Variants in PPFIA2 observed in about 807,000 individuals in gnomAD.
PPFIA2 encodes the protein liprin-alpha-2.
A neutral mutation model predicts 175.5 loss-of-function variants in PPFIA2; 46 were observed. The observed-to-expected ratio is 0.26, with a 90% CI of 0.21 to 0.34. The LOEUF (loss-of-function observed/expected upper bound fraction) is 0.34. PPFIA2 is among the 10% of genes least tolerant of loss of function. The pLI is 1.00. For missense variants in PPFIA2, 1,179 were observed against 1,506.1 expected (o/e 0.78, Z 3.60); for synonymous variants, 568 against 511.4 (o/e 1.11, Z -1.49).
At chr12:81,429,088 T>C (rs1397637762) in intron 7 of PPFIA2, among the ~76,000 whole-genome samples, 1 of 152,052 alleles carries the variant, frequency 6.6e-6, no homozygotes, top group African/African-American at 2.4e-5. Flanking sequence ...CTAATATGAT[T>C]CCTAATGTTT....
At chr12:81,572,549 C>A (rs1214700692) in intron 4 of PPFIA2, among the ~76,000 whole-genome samples, 1 of 151,906 alleles carries the variant, frequency 6.6e-6, no homozygotes, top group African/African-American at 2.4e-5. Flanking sequence ...ATCACATGTC[C>A]AAATGTTTAA....
chr12:81,631,472 C>G (rs891999729), intron 4 of PPFIA2, among the ~76,000 whole-genome samples: 1 of 151,668 alleles, frequency 6.6e-6, no homozygotes, highest in Non-Finnish European at 1.5e-5. Context: ...CCCCAAGATC[C>G]GATGATATAC....
At chr12:81,418,691 G>C (rs995854077) in intron 7 of PPFIA2, among the ~76,000 whole-genome samples, 13 of 151,680 alleles carry the variant, frequency 8.6e-5, no homozygotes, top group African/African-American at 3.1e-4. Context: ...AGTGGTTCTT[G>C]TCTATCTCTT....
At chr12:81,713,333 G>A (rs968815616) in intron 3 of PPFIA2, among the ~76,000 whole-genome samples, 5 of 150,990 alleles carry the variant, frequency 3.3e-5, no homozygotes, top group South Asian at 2.1e-4. Flanking sequence ...CCAGCTAAGA[G>A]TAACAAAATT....
At chr12:81,401,782 C>T (rs2042133239) in intron 8 of PPFIA2, among the ~76,000 whole-genome samples, 1 of 152,014 alleles carries the variant, frequency 6.6e-6, no homozygotes, top group African/African-American at 2.4e-5. Flanking sequence ...AATTAACTTC[C>T]ATCTAGAAAG....
chr12:81,372,716 A>G (rs1185036168), intron 11 of PPFIA2, among the ~76,000 whole-genome samples: 2 of 151,634 alleles, frequency 1.3e-5, no homozygotes, highest in African/African-American at 4.8e-5. Flanking sequence ...TTCATAATGA[A>G]TAAAATATGG....
intron 4 of PPFIA2, among the ~76,000 whole-genome samples, chr12:81,612,968 T>A (rs967709045): frequency 6.6e-6 from 1 of 152,216 alleles, no homozygotes; most frequent in African/African-American, 2.4e-5. Context: ...ATTATCATGG[T>A]GATAGCCCAT....
rs1555549360 is a variant in PPFIA2, at chr12:81,642,704, A to ATAATATATACATACG, written c.303+34086_303+34087insCGTATGTATATATTA. Among the ~76,000 whole-genome samples the ATAATATATACATACG allele has an allele frequency of 5.3e-4, 5 of 9,462 alleles. 2 individuals are homozygous for ATAATATATACATACG. The highest frequency in any genetic ancestry group is 1.3e-3 in the Non-Finnish European group (5 of 3,898). The allele number at this position is 9,462 out of a possible 152,430, so 6.2% of individuals were successfully genotyped here. On this transcript the variant is annotated intron_variant, in intron 4 of 32. Transcript: ENST00000549396. ...GTATCTATTATATACATACATGTAT[A>ATAATATATACATACG]TGTATGTATGTATTATATACATACA...
chr12:81,455,887 C>T (rs1187516602), intron 5 of PPFIA2, among the ~76,000 whole-genome samples: 3 of 152,092 alleles, frequency 2.0e-5, no homozygotes, highest in South Asian at 2.1e-4. Flanking sequence ...TTTCTGAGCT[C>T]ACTTACCTGG....
intron 21 of PPFIA2, among the ~76,000 whole-genome samples, chr12:81,338,781 G>A (rs1219918751): frequency 6.6e-6 from 1 of 151,962 alleles, no homozygotes; most frequent in Non-Finnish European, 1.5e-5. Flanking sequence ...TATACTCAAT[G>A]GTTTTAAGCT....
At chr12:81,526,778 C>CT (rs1224467368) in intron 4 of PPFIA2, among the ~76,000 whole-genome samples, 1 of 152,094 alleles carries the variant, frequency 6.6e-6, no homozygotes, top group Non-Finnish European at 1.5e-5. Flanking sequence ...TAGTATTTAT[C>CT]TCTAGCTCCT....
intron 4 of PPFIA2, among the ~76,000 whole-genome samples, chr12:81,553,449 A>G (rs998359605): frequency 7.9e-5 from 12 of 152,022 alleles, no homozygotes; most frequent in Non-Finnish European, 1.0e-4. Flanking sequence ...CATTTCTTTG[A>G]ATCTTAGCAG....
At chr12:81,566,633 A>C (rs1380413343) in intron 4 of PPFIA2, among the ~76,000 whole-genome samples, 1 of 152,006 alleles carries the variant, frequency 6.6e-6, no homozygotes, top group East Asian at 1.9e-4. Context: ...TACATTCAGC[A>C]TTAGAGAGTG....
chr12:81,759,093 C>G (rs1277007294), intron 1 of PPFIA2, 187 bp downstream of exon 1: 2 of 152,126 alleles, frequency 1.3e-5, no homozygotes, highest in Non-Finnish European at 2.9e-5. Context: ...CCGCGCGCTC[C>G]CGTGTCTCGT....
intron 4 of PPFIA2, among the ~76,000 whole-genome samples, chr12:81,554,938 T>A (rs1249821149): frequency 1.3e-5 from 2 of 152,034 alleles, no homozygotes; most frequent in African/African-American, 4.8e-5. Flanking sequence ...TAATAAGTAT[T>A]GGTCTTCTCT....
intron 24 of PPFIA2, among the ~76,000 whole-genome samples, chr12:81,286,633 G>C (rs1196937826): frequency 2.0e-5 from 3 of 152,016 alleles, no homozygotes; most frequent in South Asian, 4.1e-4. Context: ...CGAAGAAATT[G>C]TTTCATGACT....
intron 3 of PPFIA2, among the ~76,000 whole-genome samples, chr12:81,706,677 C>A (rs1347623881): frequency 6.6e-6 from 1 of 152,080 alleles, no homozygotes; most frequent in Non-Finnish European, 1.5e-5. Context: ...GCTCAGGGGT[C>A]AGGGGTCAGG....
intron 4 of PPFIA2, among the ~76,000 whole-genome samples, chr12:81,508,771 C>A (rs1316788804): frequency 8.4e-6 from 1 of 119,430 alleles, no homozygotes; most frequent in Non-Finnish European, 1.7e-5. Flanking sequence ...CCCCTCCCCC[C>A]ACCCCACAAC....
chr12:81,282,433 T>C (rs1410514150), intron 26 of PPFIA2, among the ~76,000 whole-genome samples: 4 of 152,106 alleles, frequency 2.6e-5, no homozygotes, highest in Admixed American at 2.6e-4. Context: ...TCAGATTGAA[T>C]ATAACACAAA....
Sources: allele counts gnomAD v4.1 joint callset (sites outside exome capture counted in the v4.1 genomes callset), GRCh38; gene constraint gnomAD v4.1.1; transcripts MANE v1.5; gene names NCBI Gene and HGNC (gene_info 2026-07-23, HGNC 2026-07-21).